The following KLK13 variants were observed in gnomAD, a reference collection of about 807,000 sequenced individuals.
KLK13 encodes the protein kallikrein-13.
A neutral mutation model predicts 22.4 loss-of-function variants in KLK13; 19 were observed. The observed-to-expected ratio is 0.85, with a 90% CI of 0.59 to 1.24. KLK13 has a LOEUF of 1.24. Ranked by LOEUF, KLK13 falls within the 50% of genes most tolerant of loss-of-function variation. The probability of loss-of-function intolerance (pLI) is 0.00; values close to 1 mark genes in which losing one functional copy is unlikely to be tolerated. For synonymous variants in KLK13, 156 were observed against 141.8 expected (o/e 1.10, Z -0.71); for missense variants, 311 against 347.9 (o/e 0.89, Z 0.84).
At chr19:51,064,349 G>A (rs1011597287) in intron 1 of KLK13, among the ~76,000 whole-genome samples, 8 of 151,956 alleles carry the variant, frequency 5.3e-5, no homozygotes, top group East Asian at 1.9e-4. Flanking sequence ...TTAGTTGGGC[G>A]TGGTGGCGGG....
At chr19:51,060,665 G>A (rs2122698651) in intron 1 of KLK13, 46 bp from the exon 2 acceptor site, 1 of 1,470,228 alleles carries the variant, frequency 6.8e-7, no homozygotes, top group Non-Finnish European at 9.3e-7. Context: ...CCAGGGGGCA[G>A]AGGAGCCCTG....
Position 51,065,051 on chromosome 19 carries a change from A to G in KLK13, c.17T>C (p.Leu6Pro), listed in dbSNP as rs1599791294. 1 of 1,234,374 alleles carries G rather than the reference A, an allele frequency of 8.1e-7. No homozygotes were observed. The allele number at this position is 1,234,374 out of a possible 1,614,324, so 76.5% of individuals were successfully genotyped here. ...GGCCAAGGTCAGGGAGGCGATCACT[A>G]GGGCCAGGGGCCACATGGCTCCGGG... Reference protein sequence around the residue: MWPLALVIASLTLALS... With the variant: MWPLAPVIASLTLALS... Residue 6 changes from leucine to proline, a missense_variant, in exon 1 of 5, where the codon CTA becomes CCA. Physicochemically the swap from Leu to Pro is moderately conservative, Grantham distance 98 (BLOSUM62 -3). Coordinates refer to ENST00000595793, the MANE Select transcript of KLK13 (RefSeq NM_015596.3).
At chr19:51,057,046 G>T (rs1179433647) in intron 4 of KLK13, among the ~76,000 whole-genome samples, 2 of 152,158 alleles carry the variant, frequency 1.3e-5, no homozygotes, top group African/African-American at 4.8e-5. Context: ...GAGACACAGA[G>T]AAATTTCTGT....
rs199569172 is a variant in KLK13, at chr19:51,059,979, G to A, written c.354C>T (p.His118=). ...PHPEYRRSPT[H]LNHDHDIMLL... is the part of the protein sequence containing the mutation. Reference sequence around the variant, plus strand: ...GCATGATGTCATGGTCGTGGTTCAGGTGGGTGGGGCTTCTCCGGTATTCAG... The same window carrying A: ...GCATGATGTCATGGTCGTGGTTCAGATGGGTGGGGCTTCTCCGGTATTCAG... Residue 118 remains histidine, a synonymous_variant, in exon 3 of 5, where the codon CAC becomes CAT. Coordinates refer to ENST00000595793, the MANE Select transcript of KLK13 (RefSeq NM_015596.3). 6.8e-6 allele frequency: 11 copies of A among 1,613,628 alleles called. No homozygotes were observed. Among genetic ancestry groups the A allele is most frequent in the Non-Finnish European group, 8.5e-7 (1 of 1,179,682 alleles).
At chr19:51,060,911 C>T (rs558178458) in intron 1 of KLK13, among the ~76,000 whole-genome samples, 2 of 152,196 alleles carry the variant, frequency 1.3e-5, no homozygotes, top group South Asian at 4.2e-4. Context: ...ACTTTCTCTC[C>T]ACATGCATTT....
At chr19:51,061,013 C>G (rs1298718024) in intron 1 of KLK13, among the ~76,000 whole-genome samples, 1 of 152,174 alleles carries the variant, frequency 6.6e-6, no homozygotes, top group Admixed American at 6.5e-5. Flanking sequence ...ATCAATCTAT[C>G]CAATCATCCA....
Position 51,058,646 on chromosome 19 carries a change from G to C in KLK13, c.537C>G (p.Ala179=), listed in dbSNP as rs763061835. The change falls in exon 4 of 5, where the codon GCC becomes GCG. Residue 179 remains alanine (A), a synonymous_variant. Transcript: ENST00000595793. ...QVNYPKTLQC[A]NIQLRSDEEC... The stretch of plus-strand genomic sequence containing the variant: ...CCTCATCTGAGCGAAGTTGGATGTT[G>C]GCACATTGTAGAGTTTTGGGGTAAT... 1 of 1,614,130 alleles carries C rather than the reference G, an allele frequency of 6.2e-7. No individual in the cohort carries two copies. The highest frequency in any genetic ancestry group is 1.1e-5 in the South Asian group (1 of 91,082).
intron 1 of KLK13, 81 bp downstream of exon 1, chr19:51,064,935 C>T: frequency 5.7e-6 from 7 of 1,236,650 alleles, no homozygotes; most frequent in Non-Finnish European, 7.8e-6. Context: ...TCGCGGCTCC[C>T]ACGCCCCCTC....
At chr19:51,059,764 CT>C (rs768528294) in intron 3 of KLK13, 60 bp downstream of exon 3, 1 of 1,404,706 alleles carries the variant, frequency 7.1e-7, no homozygotes, top group East Asian at 2.7e-5. Context: ...TCCCTCCCAT[CT>C]CTGCCCCTGT....
intron 1 of KLK13, among the ~76,000 whole-genome samples, chr19:51,062,840 T>C (rs2091742754): frequency 1.3e-5 from 2 of 152,268 alleles, no homozygotes; most frequent in South Asian, 4.1e-4. Context: ...TATTAATTAT[T>C]AGCTACAACA....
chr19:51,060,456 G>GA lies in KLK13; in HGVS notation c.215dup (p.Thr73HisfsTer26). 1 of 1,612,396 alleles carries GA rather than the reference G, an allele frequency of 6.2e-7. No individual in the cohort carries two copies. The highest frequency in any genetic ancestry group is 8.5e-7 in the Non-Finnish European group (1 of 1,178,972). On this transcript the variant is annotated frameshift_variant, in exon 2 of 5. Transcript: ENST00000595793. LOFTEE classifies it high-confidence loss of function. ...ACTCCTTTAGACAGTGTGCGGCAGTGAGGACCCATTTGGGGTGGACCAGGA... is the reference window on the plus strand; with the variant it reads ...ACTCCTTTAGACAGTGTGCGGCAGTGAAGGACCCATTTGGGGTGGACCAGGA...
upstream of KLK13, chr19:51,065,102 G>A: frequency 7.1e-7 from 1 of 1,402,518 alleles, no homozygotes; most frequent in Non-Finnish European, 9.7e-7. Context: ...CAGGGCGGGC[G>A]GGGCCTGAGG....
chr19:51,061,178 TATTCATCC>T (rs2091727269), intron 1 of KLK13, among the ~76,000 whole-genome samples: 1 of 129,996 alleles, frequency 7.7e-6, no homozygotes, highest in South Asian at 2.7e-4. Flanking sequence ...CTGGTCCATT[TATTCATCC>T]ATCCATCCAT....
chr19:51,059,549 A>T (rs997930941), intron 3 of KLK13: 10 of 174,808 alleles, frequency 5.7e-5, no homozygotes, highest in Non-Finnish European at 1.0e-4. Flanking sequence ...ATATATAATT[A>T]TATTACTATA....
Position 51,060,428 on chromosome 19 carries a change from C to T in KLK13, c.239+5G>A, listed in dbSNP as rs2122696768. On this transcript the variant is annotated splice_donor_5th_base_variant and intron_variant, in intron 2 of 4. Coordinates refer to ENST00000595793, the MANE Select transcript of KLK13 (RefSeq NM_015596.3). ...CTACCCCATGCTCCCCCGGCCCCCA[C>T]ATACTCCTTTAGACAGTGTGCGGCA... 5 of 1,576,008 alleles carry T rather than the reference C, an allele frequency of 3.2e-6. No individual in the cohort carries two copies. Among genetic ancestry groups the T allele is most frequent in the Non-Finnish European group, 4.3e-6 (5 of 1,157,676 alleles).
chr19:51,056,273 G>T lies in KLK13; in HGVS notation c.*314C>A. 3.0e-6 allele frequency: 1 copy of T among 332,980 alleles called. No homozygotes were observed. Among genetic ancestry groups the T allele is most frequent in the Non-Finnish European group, 5.6e-6 (1 of 179,508 alleles). 20.6% of individuals were successfully genotyped at this position (332,980 alleles called of 1,614,324 possible). A position where few individuals can be genotyped will look rare whatever the true frequency, so the allele number is the denominator to read the frequency against. On this transcript the variant is annotated 3_prime_UTR_variant, in exon 5 of 5. Transcript: ENST00000595793. ...GGCTGATGGAAATATTTAAGAATGT[G>T]CCACAGACAGAACGTTCAGGTGGTG...
At position 51,056,321 on chromosome 19, in the gene KLK13, C is replaced by T; in HGVS notation, c.*266G>A. ...GTGATCTGGGCTCATAGAAGCCACACTGATGAAGTTGAGAGACCTGGGCCA... is the reference window on the plus strand; with the variant it reads ...GTGATCTGGGCTCATAGAAGCCACATTGATGAAGTTGAGAGACCTGGGCCA... On this transcript the variant is annotated 3_prime_UTR_variant, in exon 5 of 5. Transcript: ENST00000595793. 2.3e-6 allele frequency: 1 copy of T among 440,154 alleles called. No individual in the cohort carries two copies. The highest frequency in any genetic ancestry group is 3.1e-5 in the South Asian group (1 of 32,324). The allele number at this position is 440,154 out of a possible 1,614,324, so 27.3% of individuals were successfully genotyped here. A position where few individuals can be genotyped will look rare whatever the true frequency, so the allele number is the denominator to read the frequency against.
Position 51,065,054 on chromosome 19 carries a change from G to A in KLK13, c.14C>T (p.Ala5Val), listed in dbSNP as rs1423922348. Residue 5 changes from alanine (A) to valine (V), a missense_variant, in exon 1 of 5, where the codon GCC (alanine) becomes GTC (valine). Ala to Val is a moderately conservative substitution (Grantham distance 64). Transcript: ENST00000595793. MWPL[A>V]LVIASLTLAL... is the part of the protein sequence containing the mutation. ...CAAGGTCAGGGAGGCGATCACTAGG[G>A]CCAGGGGCCACATGGCTCCGGGATC... 1.5e-6 allele frequency: 2 copies of A among 1,300,778 alleles called. No homozygotes were observed. Among genetic ancestry groups the A allele is most frequent in the Non-Finnish European group, 1.0e-6 (1 of 982,044 alleles). 80.6% of individuals were successfully genotyped at this position (1,300,778 alleles called of 1,614,324 possible). A position where few individuals can be genotyped will look rare whatever the true frequency, so the allele number is the denominator to read the frequency against.
chr19:51,062,741 G>A (rs989059751), intron 1 of KLK13, among the ~76,000 whole-genome samples: 12 of 152,146 alleles, frequency 7.9e-5, no homozygotes, highest in Non-Finnish European at 1.2e-4. Flanking sequence ...CTCTCATTGC[G>A]CAGTTGAAGA....
Sources: allele counts gnomAD v4.1 joint callset (sites outside exome capture counted in the v4.1 genomes callset), GRCh38; gene constraint gnomAD v4.1.1; transcripts MANE v1.5; gene names NCBI Gene and HGNC (gene_info 2026-07-23, HGNC 2026-07-21).